FILIP1L: variants seen among roughly 807,000 people sequenced by gnomAD.
FILIP1L encodes the protein filamin A interacting protein 1 like.
Under a neutral mutation model 96.6 loss-of-function variants are expected in FILIP1L, and 55 were observed. That is an observed-to-expected ratio of 0.57 (90% CI 0.46 to 0.71). FILIP1L has a LOEUF of 0.71. FILIP1L is among the 30% of genes least tolerant of loss of function. FILIP1L has a pLI of 0.00. For synonymous variants in FILIP1L, 467 were observed against 473.9 expected, an observed-to-expected ratio of 0.99 and a Z score of 0.19; for missense variants, 1,304 against 1,321.2, an observed-to-expected ratio of 0.99 and a Z score of 0.20.
chr3:99,911,486 C>T (rs1706785688), intron 4 of FILIP1L, among the ~76,000 whole-genome samples: 1 of 152,008 alleles, frequency 6.6e-6, no homozygotes, highest in Admixed American at 6.6e-5. Flanking sequence ...ACGAATGTCT[C>T]ATGGTCTCAG....
intron 1 of FILIP1L, among the ~76,000 whole-genome samples, chr3:100,008,318 A>G (rs1269537706): frequency 6.6e-6 from 1 of 152,174 alleles, no homozygotes; most frequent in Non-Finnish European, 1.5e-5. Context: ...TTAATACCAT[A>G]AGGACTTGCT....
chr3:100,092,925 A>C (rs2066138044), intron 1 of FILIP1L, among the ~76,000 whole-genome samples: 1 of 151,954 alleles, frequency 6.6e-6, no homozygotes, highest in Non-Finnish European at 1.5e-5. Context: ...TTAGCTATCT[A>C]TAAATATGAC....
intron 1 of FILIP1L, among the ~76,000 whole-genome samples, chr3:100,013,745 T>A (rs1710234893): frequency 6.6e-6 from 1 of 152,212 alleles, no homozygotes; most frequent in Non-Finnish European, 1.5e-5. Context: ...AATGCAATGT[T>A]TGATGTATGT....
intron 1 of FILIP1L, among the ~76,000 whole-genome samples, chr3:100,068,825 A>G (rs1233631124): frequency 1.3e-5 from 2 of 152,106 alleles, no homozygotes; most frequent in East Asian, 1.9e-4. Flanking sequence ...ATGGGGTTTC[A>G]CCATGTTGGC....
chr3:99,921,408 C>T (rs1398901240), intron 4 of FILIP1L, among the ~76,000 whole-genome samples: 1 of 152,086 alleles, frequency 6.6e-6, no homozygotes, highest in Non-Finnish European at 1.5e-5. Flanking sequence ...CCTGCAGTCT[C>T]CCAGCAGAAG....
chr3:100,108,647 C>T (rs1241624923), intron 1 of FILIP1L, among the ~76,000 whole-genome samples: 1 of 151,758 alleles, frequency 6.6e-6, no homozygotes, highest in East Asian at 1.9e-4. Context: ...TATCTAGATG[C>T]TACTGTGTTA....
chr3:99,949,890 CTG>C (rs376693727), intron 1 of FILIP1L, among the ~76,000 whole-genome samples: 2 of 152,086 alleles, frequency 1.3e-5, no homozygotes, highest in Non-Finnish European at 1.5e-5. Flanking sequence ...TCTTAATCAG[CTG>C]TGTGTGTGTT....
chr3:99,923,266 A>G (rs1290826775), intron 4 of FILIP1L, among the ~76,000 whole-genome samples: 2 of 152,168 alleles, frequency 1.3e-5, no homozygotes, highest in African/African-American at 4.8e-5. Flanking sequence ...CTACAGACCT[A>G]TATTTCTGAC....
At chr3:100,000,420 A>T (rs1358403355) in intron 1 of FILIP1L, among the ~76,000 whole-genome samples, 2 of 152,336 alleles carry the variant, frequency 1.3e-5, no homozygotes, top group South Asian at 4.1e-4. Flanking sequence ...TGTTGTGTGA[A>T]TGTCGTCAGC....
At chr3:100,000,448 G>A (rs990640916) in intron 1 of FILIP1L, among the ~76,000 whole-genome samples, 3 of 152,204 alleles carry the variant, frequency 2.0e-5, no homozygotes, top group Middle Eastern at 3.2e-3. Context: ...CTAGTAATAT[G>A]TGTGACTGCT....
At chr3:99,972,498 AT>A (rs1469515559) in intron 1 of FILIP1L, among the ~76,000 whole-genome samples, 1 of 152,218 alleles carries the variant, frequency 6.6e-6, no homozygotes, top group East Asian at 1.9e-4. Flanking sequence ...TATTATAATA[AT>A]AACAGATTGG....
intron 1 of FILIP1L, among the ~76,000 whole-genome samples, chr3:100,015,132 C>T (rs1359239358): frequency 1.3e-5 from 2 of 151,610 alleles, no homozygotes; most frequent in Non-Finnish European, 2.9e-5. Context: ...TTTCCCTGCA[C>T]CATTTGTTAA....
Position 99,854,192 on chromosome 3 carries a change from GCCT to G in FILIP1L, c.606-3125_606-3123del, listed in dbSNP as rs769124597. ...TAGGGTGAGGAGGGTGTGGAGTTGA[GCCT>G]CCTAAGCCTGCTTCCTACTTTGAGT... On this transcript the variant is annotated intron_variant, in intron 4 of 5. Transcript: ENST00000477258. Among the ~76,000 whole-genome samples, 57 of 152,290 alleles carry G rather than the reference GCCT, an allele frequency of 3.7e-4. 1 individual carries two copies. The highest frequency in any genetic ancestry group is 1.2e-3 in the South Asian group (6 of 4,824).
intron 1 of FILIP1L, among the ~76,000 whole-genome samples, chr3:99,999,868 A>G (rs1709792238): frequency 6.6e-6 from 1 of 152,230 alleles, no homozygotes; most frequent in Admixed American, 6.5e-5. Context: ...CCATGCTAAA[A>G]TTTAATAGTT....
intron 4 of FILIP1L, among the ~76,000 whole-genome samples, chr3:99,885,322 TTGACTC>T (rs1705857971): frequency 6.6e-6 from 1 of 152,230 alleles, no homozygotes; most frequent in South Asian, 2.1e-4. Context: ...GACTTCCACT[TTGACTC>T]TGAGATTTAT....
chr3:100,006,566 T>C (rs926095498), intron 1 of FILIP1L, among the ~76,000 whole-genome samples: 3 of 152,126 alleles, frequency 2.0e-5, no homozygotes, highest in Middle Eastern at 3.2e-3. Flanking sequence ...ATCCCAGAAG[T>C]TGTAGTTTTA....
intron 1 of FILIP1L, among the ~76,000 whole-genome samples, chr3:100,068,904 A>T (rs1008213555): frequency 6.6e-6 from 1 of 152,038 alleles, no homozygotes; most frequent in Non-Finnish European, 1.5e-5. Flanking sequence ...CACAGGTACC[A>T]CTCCCAAGAA....
At chr3:100,077,111 A>C (rs1029426144) in intron 1 of FILIP1L, among the ~76,000 whole-genome samples, 3 of 152,230 alleles carry the variant, frequency 2.0e-5, no homozygotes, top group African/African-American at 7.2e-5. Context: ...TGTGTTTTGC[A>C]TTTAGCGTCC....
At chr3:100,019,315 A>G (rs1167281681) in intron 1 of FILIP1L, among the ~76,000 whole-genome samples, 1 of 152,140 alleles carries the variant, frequency 6.6e-6, no homozygotes, top group Non-Finnish European at 1.5e-5. Flanking sequence ...AGCTATGATC[A>G]TGCCACTGCA....
Sources: gnomAD v4.1 joint callset for allele counts (sites outside exome capture counted in the v4.1 genomes callset) on GRCh38, gnomAD v4.1.1 for gene constraint, MANE v1.5 for transcripts, NCBI Gene and HGNC (gene_info 2026-07-23, HGNC 2026-07-21) for gene names.